The following PDE1A variants were observed in gnomAD, a reference collection of about 807,000 sequenced individuals.
PDE1A encodes the protein phosphodiesterase 1A.
A neutral mutation model predicts 61.7 loss-of-function variants in PDE1A; 35 were observed. The ratio of observed to expected loss-of-function variants is 0.57; its 90% CI spans 0.43 to 0.75. The LOEUF is 0.75. Among genes scored for constraint, PDE1A ranks in the 30% least tolerant of loss-of-function variants. PDE1A has a pLI of 0.00. For missense variants in PDE1A, 597 were observed against 630.6 expected, an observed-to-expected ratio of 0.95 and a Z score of 0.57; for synonymous variants, 232 against 213.2, an observed-to-expected ratio of 1.09 and a Z score of -0.77.
chr2:182,708,657 T>C, the PDE1A span, among the ~76,000 whole-genome samples: 2 of 152,004 alleles, frequency 1.3e-5, no homozygotes, highest in African/African-American at 4.8e-5. Context: ...CATGATCCAA[T>C]CACCCCCATC....
At chr2:182,174,307 C>T (rs558757366) in intron 13 of PDE1A, among the ~76,000 whole-genome samples, 20 of 152,080 alleles carry the variant, frequency 1.3e-4, no homozygotes, top group Admixed American at 3.9e-4. Context: ...CTGATGACGT[C>T]CATGGACGCA....
chr2:182,284,196 T>A (rs1240847165), intron 1 of PDE1A, among the ~76,000 whole-genome samples: 1 of 152,118 alleles, frequency 6.6e-6, no homozygotes, highest in Non-Finnish European at 1.5e-5. Context: ...TAAATTCTAG[T>A]TTGAGGAGTC....
intron 1 of PDE1A, among the ~76,000 whole-genome samples, chr2:182,424,156 G>C (rs897361891): frequency 6.6e-6 from 1 of 151,818 alleles, no homozygotes; most frequent in Non-Finnish European, 1.5e-5. Context: ...TGTTGCCCAG[G>C]GTAGTCTCAA....
the PDE1A span, chr2:182,716,450 G>A: frequency 3.3e-5 from 5 of 152,834 alleles, no homozygotes; most frequent in African/African-American, 1.2e-4. Flanking sequence ...GAGGATGGGG[G>A]AGTAGCTACA....
chr2:182,350,935 A>G (rs539543626), intron 1 of PDE1A, among the ~76,000 whole-genome samples: 1 of 152,320 alleles, frequency 6.6e-6, no homozygotes, highest in East Asian at 1.9e-4. Context: ...TCTCAAAGAA[A>G]GGCTCTAGTT....
At chr2:182,659,221 T>G in the PDE1A span, among the ~76,000 whole-genome samples, 1 of 152,198 alleles carries the variant, frequency 6.6e-6, no homozygotes, top group African/African-American at 2.4e-5. Context: ...ATTTTTTCAT[T>G]CTTTCTTAGG....
chr2:182,552,380 G>C, the PDE1A span, among the ~76,000 whole-genome samples: 1 of 151,538 alleles, frequency 6.6e-6, no homozygotes, highest in Non-Finnish European at 1.5e-5. Context: ...GGAATTGTGA[G>C]CAGCTATTGT....
the PDE1A span, among the ~76,000 whole-genome samples, chr2:182,704,030 G>A: frequency 7.1e-6 from 1 of 141,690 alleles, no homozygotes; most frequent in African/African-American, 2.7e-5. Context: ...GTGAAACCCT[G>A]TCTCTACTAA....
chr2:182,642,619 T>C, the PDE1A span, among the ~76,000 whole-genome samples: 5 of 152,098 alleles, frequency 3.3e-5, no homozygotes, highest in African/African-American at 9.7e-5. Context: ...TGTTATGAAA[T>C]TGGGGAAGAG....
chr2:182,701,300 G>C, the PDE1A span, among the ~76,000 whole-genome samples: 1 of 150,890 alleles, frequency 6.6e-6, no homozygotes, highest in African/African-American at 2.4e-5. Flanking sequence ...CTCCCAAAGT[G>C]CTGGGATTAC....
At chr2:182,609,884 T>G in the PDE1A span, among the ~76,000 whole-genome samples, 1 of 152,154 alleles carries the variant, frequency 6.6e-6, no homozygotes, top group Admixed American at 6.5e-5. Context: ...GGTCAGGAGT[T>G]CGAGACCAGC....
the PDE1A span, among the ~76,000 whole-genome samples, chr2:182,672,069 T>C: frequency 3.2e-3 from 481 of 152,320 alleles, 2 homozygotes; most frequent in African/African-American, 0.011. Context: ...TCATGCTAAA[T>C]AGCATACTTA....
chr2:182,427,528 T>A (rs923857942), upstream of PDE1A, among the ~76,000 whole-genome samples: 2 of 152,098 alleles, frequency 1.3e-5, no homozygotes, highest in Admixed American at 6.6e-5. Flanking sequence ...TGCTTTTTTT[T>A]AACAAAAAGC....
At chr2:182,652,714 AAC>A in the PDE1A span, among the ~76,000 whole-genome samples, 8 of 152,118 alleles carry the variant, frequency 5.3e-5, no homozygotes, top group African/African-American at 1.9e-4. Context: ...CTTCATATAC[AAC>A]AGTTACAGGT....
At chr2:182,151,047 T>G (rs1001653822) in intron 13 of PDE1A, among the ~76,000 whole-genome samples, 1 of 152,176 alleles carries the variant, frequency 6.6e-6, no homozygotes, top group Non-Finnish European at 1.5e-5. Flanking sequence ...CTATTCTAAG[T>G]GCTTCACTCA....
intron 1 of PDE1A, among the ~76,000 whole-genome samples, chr2:182,368,048 T>C (rs1699932197): frequency 6.6e-6 from 1 of 152,132 alleles, no homozygotes; most frequent in Admixed American, 6.6e-5. Context: ...ACCACTCCAC[T>C]TCAACAATTA....
upstream of PDE1A, among the ~76,000 whole-genome samples, chr2:182,428,469 T>C (rs1484367511): frequency 6.6e-6 from 1 of 152,134 alleles, no homozygotes; most frequent in Non-Finnish European, 1.5e-5. Flanking sequence ...AACATATTTA[T>C]ATAGATATTA....
chr2:182,699,569 C>T, the PDE1A span, among the ~76,000 whole-genome samples: 389 of 151,382 alleles, frequency 2.6e-3, 2 homozygotes, highest in Non-Finnish European at 4.8e-3. Context: ...AATACCTCTT[C>T]AAAAAAAATA....
the PDE1A span, among the ~76,000 whole-genome samples, chr2:182,621,512 T>A: frequency 6.6e-6 from 1 of 152,086 alleles, no homozygotes; most frequent in Admixed American, 6.5e-5. Flanking sequence ...CCCGTTAATA[T>A]CCTTAAAACT....
Sources: gnomAD v4.1 joint callset for allele counts (sites outside exome capture counted in the v4.1 genomes callset) on GRCh38, gnomAD v4.1.1 for gene constraint, MANE v1.5 for transcripts, NCBI Gene and HGNC (gene_info 2026-07-23, HGNC 2026-07-21) for gene names.